The following F5 variants were observed in gnomAD, a reference collection of about 807,000 sequenced individuals.
F5 encodes coagulation factor V.
F5 carries 138 observed loss-of-function variants against 216.4 expected under a neutral mutation model. That is an observed-to-expected ratio of 0.64 (90% CI 0.56 to 0.73). The LOEUF is 0.73. Among genes scored for constraint, F5 ranks in the 30% least tolerant of loss-of-function variants. The pLI is 0.00. For missense variants in F5, 2,403 were observed against 2,674.0 expected, an observed-to-expected ratio of 0.90 and a Z score of 2.24; for synonymous variants, 916 against 930.7, an observed-to-expected ratio of 0.98 and a Z score of 0.29.
intron 3 of F5, among the ~76,000 whole-genome samples, chr1:169,562,470 G>A (rs1023492781): frequency 2.0e-5 from 3 of 151,900 alleles, no homozygotes; most frequent in Admixed American, 6.6e-5. Flanking sequence ...TACTTTTAAT[G>A]TAATTGATGA....
chr1:169,577,607 A>C (rs1216019615), intron 2 of F5, among the ~76,000 whole-genome samples: 17 of 115,220 alleles, frequency 1.5e-4, no homozygotes, highest in Non-Finnish European at 3.1e-4. Context: ...ATATATATGT[A>C]TGTATTTTTT....
intron 2 of F5, among the ~76,000 whole-genome samples, chr1:169,573,111 C>A (rs1660764411): frequency 6.6e-6 from 1 of 152,070 alleles, no homozygotes; most frequent in Non-Finnish European, 1.5e-5. Context: ...CCACACCCAG[C>A]TAATTTTTGT....
chr1:169,550,620 T>A lies in F5; in HGVS notation c.1396+20A>T, dbSNP rs1304048531. On this transcript the variant is annotated intron_variant, in intron 9 of 24. Coordinates refer to ENST00000367797, the MANE Select transcript of F5 (RefSeq NM_000130.5). Reference sequence around the variant, plus strand: ...CTCAGAAGTTACTAGTTGGATTCAGTAGAAGTGAAAGATTCAAACCTGAGG... The same window carrying A: ...CTCAGAAGTTACTAGTTGGATTCAGAAGAAGTGAAAGATTCAAACCTGAGG... 1 of 1,586,118 alleles carries A rather than the reference T, an allele frequency of 6.3e-7. No homozygotes were observed. The highest frequency in any genetic ancestry group is 1.3e-5 in the African/African-American group (1 of 74,456).
chr1:169,571,457 A>G (rs914982759), intron 3 of F5, among the ~76,000 whole-genome samples: 5 of 152,174 alleles, frequency 3.3e-5, no homozygotes, highest in African/African-American at 9.7e-5. Flanking sequence ...ATCAGAAATG[A>G]TAAAGCTAGA....
rs371330185 is a variant in F5 at position 169,541,605 on chromosome 1, C to T, written c.3485G>A (p.Ser1162Asn). ...ELSEMLEYDR[S>N]HKSFPTDISQ... ...TATATCTGTGGGGAAGGACTTGTGA[C>T]TTCGGTCATACTCAAGCATTTCACT... The change falls in exon 13 of 25, where the codon AGT becomes AAT. Residue 1162 changes from serine to asparagine, a missense_variant. Physicochemically the swap from Ser to Asn is conservative, Grantham distance 46. This residue lies in a region of F5 where 1,425 missense variants were observed against 1,554.8 expected (regional missense o/e 0.92). Coordinates refer to ENST00000367797, the MANE Select transcript of F5 (RefSeq NM_000130.5). The T allele has an allele frequency of 1.3e-5, 21 of 1,614,028 alleles. No homozygotes were observed. In the African/African-American group the frequency reaches 2.7e-4, roughly 21 times the overall value.
intron 11 of F5, among the ~76,000 whole-genome samples, chr1:169,546,156 C>G (rs1230149159): frequency 6.7e-6 from 1 of 149,576 alleles, no homozygotes; most frequent in Non-Finnish European, 1.5e-5. Context: ...CACCCTTTTC[C>G]TCACCACGCA....
At position 169,515,448 on chromosome 1, in the gene F5, T is replaced by C. The variant is rs369720229; in HGVS notation, c.6524A>G (p.Asp2175Gly). The C allele has an allele frequency of 6.2e-7, 1 of 1,613,276 alleles. No homozygotes were observed. Among genetic ancestry groups the C allele is most frequent in the African/African-American group, 1.3e-5 (1 of 74,998 alleles). Residue 2175 changes from aspartate to glycine, a missense_variant, in exon 24 of 25, where the codon GAC becomes GGC. Around this residue, in one of 4 missense-constraint regions of F5, gnomAD observed 659 missense variants for 787.9 expected, o/e 0.84. Coordinates refer to ENST00000367797, the MANE Select transcript of F5 (RefSeq NM_000130.5). Reference protein sequence around the residue: ...KPYRLKSSMVDKIFEGNTNTK... With the variant: ...KPYRLKSSMVGKIFEGNTNTK... ...TTTGCCCAGATGCCACTCTACCTTG[T>C]CCACCATGGAGGATTTCAGCCTGTA...
intron 3 of F5, among the ~76,000 whole-genome samples, chr1:169,569,319 G>A (rs1660674791): frequency 6.6e-6 from 1 of 152,042 alleles, no homozygotes; most frequent in Admixed American, 6.6e-5. Context: ...GTTTTATTTG[G>A]AGAGCTGGCT....
chr1:169,531,170 A>G, intron 14 of F5, 148 bp from the exon 15 acceptor site: 1 of 667,710 alleles, frequency 1.5e-6, no homozygotes, highest in Non-Finnish European at 2.6e-6. Context: ...ATTTCATTTA[A>G]TTTTCATAAC....
chr1:169,555,879 C>T (rs886179262), intron 6 of F5, among the ~76,000 whole-genome samples: 2 of 152,022 alleles, frequency 1.3e-5, no homozygotes, highest in Non-Finnish European at 2.9e-5. Context: ...TTTGACTACT[C>T]GTGTGAAAAG....
chr1:169,582,678 TAAGTA>T (rs1417854552), intron 1 of F5, among the ~76,000 whole-genome samples, 156 bp from the exon 2 acceptor site: 1 of 152,228 alleles, frequency 6.6e-6, no homozygotes, highest in African/African-American at 2.4e-5. Flanking sequence ...ATATGATCAA[TAAGTA>T]AAGTTAATGA....
chr1:169,523,937 A>G, intron 19 of F5, 33 bp from the exon 20 acceptor site: 1 of 1,572,978 alleles, frequency 6.4e-7, no homozygotes, highest in Non-Finnish European at 8.7e-7. Context: ...ATTTATTCTG[A>G]ATTTTTTAAA....
rs779033239 is a variant in F5 at position 169,550,698 on chromosome 1, G to A, written c.1338C>T (p.Tyr446=). 1 of 1,614,036 alleles carries A rather than the reference G, an allele frequency of 6.2e-7. No homozygotes were observed. Among genetic ancestry groups the A allele is most frequent in the South Asian group, 1.1e-5 (1 of 91,078 alleles). Residue 446 remains tyrosine (Y), a synonymous_variant, in exon 9 of 25, where the codon TAC becomes TAT. Coordinates refer to ENST00000367797, the MANE Select transcript of F5 (RefSeq NM_000130.5). ...KNMASRPYSI[Y]PHGVTFSPYE... ...AAGGCGAGAAGGTCACTCCATGAGG[G>A]TAAATGCTATAGGGGCGGCTGGCCA...
chr1:169,515,332 A>C, intron 24 of F5, 112 bp downstream of exon 24: 1 of 1,266,326 alleles, frequency 7.9e-7, no homozygotes, highest in Non-Finnish European at 1.1e-6. Context: ...AAGATTTAGA[A>C]GACTTAAAGA....
In F5 at chr1:169,586,403, C is replaced by G. The variant is rs1381459208; in HGVS notation, c.-17G>C. ...TGGGAACATGCTTCCTTTCCTGCTCCCGCTGGCTGCCACCACCCCAGGACC... is the reference window on the plus strand; with the variant it reads ...TGGGAACATGCTTCCTTTCCTGCTCGCGCTGGCTGCCACCACCCCAGGACC... On this transcript the variant is annotated 5_prime_UTR_variant, in exon 1 of 25. Transcript: ENST00000367797. The G allele has an allele frequency of 1.9e-6, 3 of 1,608,988 alleles. No homozygotes were observed. The highest frequency in any genetic ancestry group is 1.3e-5 in the African/African-American group (1 of 74,994).
intron 2 of F5, 28 bp from the exon 3 acceptor site, chr1:169,572,371 C>T (rs1372052686): frequency 2.5e-6 from 4 of 1,611,614 alleles, no homozygotes; most frequent in Non-Finnish European, 3.4e-6. Flanking sequence ...TAAACTATGT[C>T]TGTATTCAGG....
rs369790277 is a variant in F5 at position 169,542,052 on chromosome 1, T to C, written c.3038A>G (p.Gln1013Arg). 1 of 1,614,138 alleles carries C rather than the reference T, an allele frequency of 6.2e-7. No homozygotes were observed. Among genetic ancestry groups the C allele is most frequent in the Non-Finnish European group, 8.5e-7 (1 of 1,180,006 alleles). ...CTTCAGTCTACTCTTTCCTCCATCC[T>C]GTCTTACTTGTAGAGATTTATGTCT... The part of the protein sequence containing the change: ...RVRHKSLQVR[Q>R]DGGKSRLKKS... The change falls in exon 13 of 25, where the codon CAG becomes CGG. Residue 1013 changes from glutamine (Q) to arginine (R), a missense_variant. Gln to Arg is a conservative substitution (Grantham distance 43). Coordinates refer to ENST00000367797, the MANE Select transcript of F5 (RefSeq NM_000130.5).
At chr1:169,536,721 G>A in intron 13 of F5, 41 bp from the exon 14 acceptor site, 3 of 1,524,054 alleles carry the variant, frequency 2.0e-6, no homozygotes, top group Non-Finnish European at 1.8e-6. Context: ...AGAAATTAAA[G>A]ACTGTTCCCA....
chr1:169,528,373 T>C (rs1659507733), intron 16 of F5, among the ~76,000 whole-genome samples: 1 of 152,218 alleles, frequency 6.6e-6, no homozygotes, highest in African/African-American at 2.4e-5. Context: ...GCTTTTACAG[T>C]TCCGTGCTTT....
Sources: allele counts gnomAD v4.1 joint callset (sites outside exome capture counted in the v4.1 genomes callset), GRCh38; gene constraint gnomAD v4.1.1; regional missense constraint gnomAD v4.1.1; transcripts MANE v1.5; gene names NCBI Gene and HGNC (gene_info 2026-07-23, HGNC 2026-07-21).